Variants in OR51B2 observed in about 807,000 individuals in gnomAD.
OR51B2 encodes the protein olfactory receptor 51B2.
For synonymous variants in OR51B2, 158 were observed against 135.3 expected (o/e 1.17, Z -1.16); for missense variants, 463 against 380.1 (o/e 1.22, Z -1.81).
In OR51B2 at chr11:5,324,048, A is replaced by G. The variant is rs1474092031; in HGVS notation, c.250T>C (p.Trp84Arg). 3 of 1,613,906 alleles carry G rather than the reference A, an allele frequency of 1.9e-6. No individual in the cohort carries two copies. Among genetic ancestry groups the G allele is most frequent in the South Asian group, 2.2e-5 (2 of 91,076 alleles). Residue 84 changes from tryptophan (W) to arginine (R), a missense_variant, in exon 1 of 1, where the codon TGG (tryptophan) becomes CGG (arginine). Coordinates refer to ENST00000624187, the MANE Select transcript of OR51B2 (RefSeq NM_033180.5). ...CTGCTAATCTCCCTGTGATTCACCCATAGGATGCCCATTACAGTAGGCATC... is the reference window on the plus strand; with the variant it reads ...CTGCTAATCTCCCTGTGATTCACCCGTAGGATGCCCATTACAGTAGGCATC... ...TTMPTVMGILWVNHREISSVG... is the reference protein window; with the variant it reads ...TTMPTVMGILRVNHREISSVG...
In OR51B2 at chr11:5,323,941, A is replaced by C; in HGVS notation, c.357T>G (p.Asp119Glu). 6.2e-7 allele frequency: 1 copy of C among 1,613,912 alleles called. No individual in the cohort carries two copies. Among genetic ancestry groups the C allele is most frequent in the Non-Finnish European group, 8.5e-7 (1 of 1,179,870 alleles). The change falls in exon 1 of 1, where the codon GAT becomes GAG. Residue 119 changes from aspartate to glutamate, a missense_variant. By Grantham distance (45) the Asp-to-Glu change is conservative (BLOSUM62 2). Transcript: ENST00000624187. ...ESGSLLAMAY[D>E]CFIAIRNPLR... ...AAGGATTGCGGATGGCAATGAAACA[A>C]TCATATGCCATTGCCAGGAGGGAAC...
chr11:5,323,590 G>A lies in OR51B2; in HGVS notation c.708C>T (p.Leu236=). 1 of 1,612,976 alleles carries A rather than the reference G, an allele frequency of 6.2e-7. No homozygotes were observed. Among genetic ancestry groups the A allele is most frequent in the Non-Finnish European group, 8.5e-7 (1 of 1,179,008 alleles). Residue 236 remains leucine, a synonymous_variant, in exon 1 of 1, where the codon CTC becomes CTT. Coordinates refer to ENST00000624187, the MANE Select transcript of OR51B2 (RefSeq NM_033180.5). ...AACTAATGTGGGAGATACAGGTATT[G>A]AGGGCTTTGGCTCTCTCTTCACCAG... ...IASGEERAKA[L]NTCISHISCV... is the part of the protein sequence containing the mutation.
rs1564906192 is a variant in OR51B2 at position 5,323,381 on chromosome 11, G to A, written c.917C>T (p.Ser306Phe). ...AGTTTAACTACTAAACCTATGTTTA[G>A]ATAAAAGGCGGATAATGCCATATTG... ...QIQYGIIRLLSKHRFSS is the reference protein window; with the variant it reads ...QIQYGIIRLLFKHRFSS Residue 306 changes from serine to phenylalanine, a missense_variant, in exon 1 of 1, where the codon TCT (serine) becomes TTT (phenylalanine). By Grantham distance (155) the Ser-to-Phe change is radical (BLOSUM62 -2). Coordinates refer to ENST00000624187, the MANE Select transcript of OR51B2 (RefSeq NM_033180.5). 4 of 1,611,048 alleles carry A rather than the reference G, an allele frequency of 2.5e-6. No homozygotes were observed. Among genetic ancestry groups the A allele is most frequent in the South Asian group, 1.1e-5 (1 of 90,892 alleles).
In OR51B2 at chr11:5,323,427, T is replaced by C. The variant is rs1404206707; in HGVS notation, c.871A>G (p.Ser291Gly). ...TATTGTATTTGCTTGGTTTTGATGC[T>C]GTAGATGACAGGGTTCATTAAAGGA... Reference protein sequence around the residue: ...FPPLMNPVIYSIKTKQIQYGI... With the variant: ...FPPLMNPVIYGIKTKQIQYGI... The change falls in exon 1 of 1, where the codon AGC becomes GGC. Residue 291 changes from serine to glycine, a missense_variant. Physicochemically the swap from Ser to Gly is moderately conservative, Grantham distance 56 (BLOSUM62 0). Coordinates refer to ENST00000624187, the MANE Select transcript of OR51B2 (RefSeq NM_033180.5). The C allele has an allele frequency of 1.2e-6, 2 of 1,613,722 alleles. No individual in the cohort carries two copies. The highest frequency in any genetic ancestry group is 1.7e-6 in the Non-Finnish European group (2 of 1,179,790).
Position 5,323,925 on chromosome 11 carries a change from G to A in OR51B2, c.373C>T (p.Arg125Cys), listed in dbSNP as rs376911782. 3.8e-5 allele frequency: 61 copies of A among 1,613,828 alleles called. 1 individual carries two copies. The highest frequency in any genetic ancestry group is 1.6e-4 in the East Asian group (7 of 44,870). ...AMAYDCFIAI[R>C]NPLRYASILT... ...ATGGAAGCATATCTCAAAGGATTGC[G>A]GATGGCAATGAAACAATCATATGCC... Residue 125 changes from arginine to cysteine, a missense_variant, in exon 1 of 1, where the codon CGC becomes TGC. By Grantham distance (180) the Arg-to-Cys change is radical (BLOSUM62 -3). Transcript: ENST00000624187.
chr11:5,324,128 A>T lies in OR51B2; in HGVS notation c.170T>A (p.Met57Lys). Reference sequence around the variant, plus strand: ...TGCCAGCATGGTGAGGAAGTAGTACATGGGCTCATGAAGACTGTGGTCATG... The same window carrying T: ...TGCCAGCATGGTGAGGAAGTAGTACTTGGGCTCATGAAGACTGTGGTCATG... Reference protein sequence around the residue: ...IKHDHSLHEPMYYFLTMLAGT... With the variant: ...IKHDHSLHEPKYYFLTMLAGT... Residue 57 changes from methionine to lysine, a missense_variant, in exon 1 of 1, where the codon ATG (methionine) becomes AAG (lysine). By Grantham distance (95) the Met-to-Lys change is moderately conservative. Coordinates refer to ENST00000624187, the MANE Select transcript of OR51B2 (RefSeq NM_033180.5). 1 of 1,614,030 alleles carries T rather than the reference A, an allele frequency of 6.2e-7. No homozygotes were observed. The highest frequency in any genetic ancestry group is 8.5e-7 in the Non-Finnish European group (1 of 1,179,954).
Position 5,323,783 on chromosome 11 carries a change from A to T in OR51B2, c.515T>A (p.Ile172Asn), listed in dbSNP as rs1848703281. The change falls in exon 1 of 1, where the codon ATC becomes AAC. Residue 172 changes from isoleucine to asparagine, a missense_variant. Coordinates refer to ENST00000624187, the MANE Select transcript of OR51B2 (RefSeq NM_033180.5). ...TTGGTGGAGGCAGAAAGCACGTGTG[A>T]TAACATGAGATTTGCAATATGAAAA... ...FSFSYCKSHV[I>N]TRAFCLHQEI... 1.2e-6 allele frequency: 2 copies of T among 1,613,966 alleles called. No individual in the cohort carries two copies. Among genetic ancestry groups the T allele is most frequent in the African/African-American group, 1.3e-5 (1 of 74,936 alleles).
Sources: allele counts gnomAD v4.1 joint callset, GRCh38; gene constraint gnomAD v4.1.1; transcripts MANE v1.5; gene names NCBI Gene and HGNC (gene_info 2026-07-23, HGNC 2026-07-21).